Variants in ZNF529 observed in about 807,000 individuals in gnomAD.
ZNF529 encodes zinc finger protein 529.
A neutral mutation model predicts 10.1 loss-of-function variants in ZNF529; 11 were observed. The ratio of observed to expected loss-of-function variants is 1.09; its 90% confidence interval spans 0.69 to 1.81. The LOEUF (loss-of-function observed/expected upper bound fraction) is 1.81, where lower values mean the gene tolerates loss of function less well. Among genes scored for constraint, ZNF529 ranks in the 40% most tolerant of loss-of-function variants. The pLI is 0.00. For synonymous variants in ZNF529, 204 were observed against 215.7 expected (o/e 0.95, Z 0.47); for missense variants, 624 against 666.8 (o/e 0.94, Z 0.71).
chr19:36,551,876 CTTGT>C (rs1209923592), intron 4 of ZNF529: 3 of 152,142 alleles, frequency 2.0e-5, no homozygotes, highest in Non-Finnish European at 2.9e-5. Context: ...TATCTGTTTA[CTTGT>C]TTATTATACA....
chr19:36,570,103 G>A (rs1453971595), intron 2 of ZNF529, among the ~76,000 whole-genome samples: 1 of 152,104 alleles, frequency 6.6e-6, no homozygotes, highest in Admixed American at 6.6e-5. Flanking sequence ...GCTCACACCT[G>A]TAATTCCAAC....
In ZNF529 at chr19:36,547,042, A is replaced by G. The variant is rs1461034794; in HGVS notation, c.1516T>C (p.Tyr506His). The stretch of plus-strand genomic sequence containing the variant: ...GCCTTCCCACATGCCTTGCATTCAT[A>G]GGGTTTTTCTCCAGTATGAATTCTC... ...HQRIHTGEKP[Y>H]ECKACGKAFR... The change falls in exon 5 of 5, where the codon TAT becomes CAT. Residue 506 changes from tyrosine to histidine, a missense_variant. Physicochemically the swap from Tyr to His is moderately conservative, Grantham distance 83 (BLOSUM62 2). Coordinates refer to ENST00000591340, the MANE Select transcript of ZNF529 (RefSeq NM_020951.5). 6.2e-7 allele frequency: 1 copy of G among 1,614,056 alleles called. No individual in the cohort carries two copies. Among genetic ancestry groups the G allele is most frequent in the South Asian group, 1.1e-5 (1 of 91,068 alleles).
chr19:36,568,395 C>G (rs1356818668), intron 2 of ZNF529, among the ~76,000 whole-genome samples: 8 of 151,966 alleles, frequency 5.3e-5, no homozygotes, highest in Admixed American at 5.2e-4. Flanking sequence ...CAAAGCAGAG[C>G]TTATTTGGAA....
chr19:36,601,224 T>C (rs1016070702), intron 1 of ZNF529, among the ~76,000 whole-genome samples: 2 of 150,966 alleles, frequency 1.3e-5, no homozygotes, highest in Admixed American at 1.3e-4. Flanking sequence ...TGCCTCAGCC[T>C]CCCTGAGTAG....
At chr19:36,573,605 G>C (rs2036233008), upstream of ZNF529, 2 of 414,798 alleles carry the variant, frequency 4.8e-6, no homozygotes, top group African/African-American at 2.0e-5. Flanking sequence ...GGTGGTCTTG[G>C]GGGAGGTGGG....
chr19:36,570,382 G>C (rs1012069668), intron 2 of ZNF529, among the ~76,000 whole-genome samples: 1 of 120,504 alleles, frequency 8.3e-6, no homozygotes, highest in Non-Finnish European at 1.8e-5. Context: ...AAAAAAAAAA[G>C]AAAAGAAAAA....
intron 4 of ZNF529, among the ~76,000 whole-genome samples, chr19:36,553,056 T>TTA (rs1407699996): frequency 6.6e-6 from 1 of 152,224 alleles, no homozygotes; most frequent in Non-Finnish European, 1.5e-5. Context: ...ATACTCTCTG[T>TTA]TGTAAGCAAC....
chr19:36,559,963 AAAC>A lies in ZNF529; in HGVS notation c.15-3769_15-3767del, dbSNP rs946853842. The stretch of plus-strand genomic sequence containing the variant: ...GGCAGTAATACAAATCCATAAGAAA[AAAC>A]AAAGAGAAGTGGCCTGGTGCGTTGG... On this transcript the variant is annotated intron_variant, in intron 2 of 4. Transcript: ENST00000591340. Among the ~76,000 whole-genome samples the A allele has an allele frequency of 6.6e-5, 10 of 152,244 alleles. 1 individual carries two copies. In the South Asian group the frequency reaches 1.9e-3, roughly 28 times the overall value.
In ZNF529 at chr19:36,546,061, G is replaced by GTATATATATATATATATATATATATATA. The variant is rs10593037; in HGVS notation, c.*804_*805insTATATATATATATATATATATATATATA. The stretch of plus-strand genomic sequence containing the variant: ...ATACATATATTGTGTGTGTGTGTGT[G>GTATATATATATATATATATATATATATA]TATATATATATATATATATAGTGTG... On this transcript the variant is annotated 3_prime_UTR_variant, in exon 5 of 5. Coordinates refer to ENST00000591340, the MANE Select transcript of ZNF529 (RefSeq NM_020951.5). 2 of 130,112 alleles carry GTATATATATATATATATATATATATATA rather than the reference G, an allele frequency of 1.5e-5. No individual in the cohort carries two copies. Among genetic ancestry groups the GTATATATATATATATATATATATATATA allele is most frequent in the Admixed American group, 7.7e-5 (1 of 13,052 alleles). 8.1% of individuals were successfully genotyped at this position (130,112 alleles called of 1,614,324 possible).
intron 1 of ZNF529, among the ~76,000 whole-genome samples, chr19:36,602,451 T>C (rs1029907103): frequency 6.6e-6 from 1 of 152,174 alleles, no homozygotes; most frequent in African/African-American, 2.4e-5. Context: ...TCCTTTTTTT[T>C]TTTTTCGTGG....
rs58196878 is a variant in ZNF529, at chr19:36,560,257, CAA to C, written c.15-4062_15-4061del. On this transcript the variant is annotated intron_variant, in intron 2 of 4. Transcript: ENST00000591340. ...GGGCAACAAGAGCGAAACTCCGTCT[CAA>C]AAAAAAAAAAAAAAAAAAAAAAGAG... 8.6e-5 allele frequency among the ~76,000 whole-genome samples: 9 copies of C among 104,334 alleles called. No homozygotes were observed. The East Asian group carries it at 1.2e-3, about 14-fold the overall frequency. 68.4% of individuals were successfully genotyped at this position (104,334 alleles called of 152,430 possible). A position where few individuals can be genotyped will look rare whatever the true frequency, so the allele number is the denominator to read the frequency against.
At chr19:36,564,597 CAG>C (rs1938223835) in intron 2 of ZNF529, among the ~76,000 whole-genome samples, 1 of 152,134 alleles carries the variant, frequency 6.6e-6, no homozygotes. Flanking sequence ...TCAAAAGTAA[CAG>C]ATGTTGGTGA....
chr19:36,550,638 A>G (rs2035225053), intron 4 of ZNF529, among the ~76,000 whole-genome samples: 1 of 152,190 alleles, frequency 6.6e-6, no homozygotes, highest in Admixed American at 6.5e-5. Context: ...TGATGTTGAA[A>G]ACATTTCTAA....
rs1303613832 is a variant in ZNF529, at chr19:36,546,586, C to T, written c.*280G>A. Reference sequence around the variant, plus strand: ...CTGAATAGTCAAAAGAGCAATAATACAAACATCAAAAGCTATTGTAAACAA... The same window carrying T: ...CTGAATAGTCAAAAGAGCAATAATATAAACATCAAAAGCTATTGTAAACAA... On this transcript the variant is annotated 3_prime_UTR_variant, in exon 5 of 5. Coordinates refer to ENST00000591340, the MANE Select transcript of ZNF529 (RefSeq NM_020951.5). The T allele has an allele frequency of 3.2e-6, 1 of 313,490 alleles. No individual in the cohort carries two copies. The highest frequency in any genetic ancestry group is 5.8e-6 in the Non-Finnish European group (1 of 171,740). 19.4% of individuals were successfully genotyped at this position (313,490 alleles called of 1,614,324 possible).
At chr19:36,553,842 GT>G (rs563094167) in intron 4 of ZNF529, among the ~76,000 whole-genome samples, 308 of 152,272 alleles carry the variant, frequency 2.0e-3, no homozygotes, top group Non-Finnish European at 3.2e-3. Context: ...GATGCTACAA[GT>G]GAAATACACA....
At chr19:36,584,732 A>G (rs1026959876) in intron 2 of ZNF529, among the ~76,000 whole-genome samples, 1 of 150,466 alleles carries the variant, frequency 6.6e-6, no homozygotes, top group Non-Finnish European at 1.5e-5. Flanking sequence ...GCCCCACTGC[A>G]CTCCACCCTG....
intron 2 of ZNF529, among the ~76,000 whole-genome samples, chr19:36,560,482 A>G (rs1234983773): frequency 6.6e-6 from 1 of 152,200 alleles, no homozygotes; most frequent in Non-Finnish European, 1.5e-5. Flanking sequence ...ATGAATCCAG[A>G]TGGTAACTCG....
chr19:36,584,577 G>A (rs2036538016), intron 2 of ZNF529, among the ~76,000 whole-genome samples: 1 of 152,008 alleles, frequency 6.6e-6, no homozygotes, highest in Admixed American at 6.6e-5. Flanking sequence ...GACCAGCCTG[G>A]CCAACATGCT....
intron 1 of ZNF529, among the ~76,000 whole-genome samples, chr19:36,572,720 A>T (rs1396445315): frequency 1.4e-5 from 2 of 146,364 alleles, no homozygotes; most frequent in East Asian, 3.9e-4. Context: ...TATCTATCTT[A>T]TCTATCTATC....
Sources: gnomAD v4.1 joint callset for allele counts (sites outside exome capture counted in the v4.1 genomes callset) on GRCh38, gnomAD v4.1.1 for gene constraint, MANE v1.5 for transcripts, NCBI Gene and HGNC (gene_info 2026-07-23, HGNC 2026-07-21) for gene names.